CBX5: variants seen among roughly 807,000 people sequenced by gnomAD.
CBX5 encodes chromobox 5.
Under a neutral mutation model 20.7 loss-of-function variants are expected in CBX5, and 7 were observed. That is an observed-to-expected ratio of 0.34 (90% CI 0.19 to 0.63). The LOEUF is 0.63. CBX5 is among the 30% of genes least tolerant of loss of function. CBX5 has a pLI of 0.75. For synonymous variants in CBX5, 78 were observed against 77.0 expected (o/e 1.01, Z -0.07); for missense variants, 110 against 224.1 (o/e 0.49, Z 3.25).
intron 1 of CBX5, chr12:54,262,594 C>T (rs556148809): frequency 2.0e-3 from 313 of 152,850 alleles, no homozygotes; most frequent in Middle Eastern, 3.4e-3. Flanking sequence ...TTATCTTAAC[C>T]TTGAAGTTAC....
At position 54,248,358 on chromosome 12, in the gene CBX5, C is replaced by CA. The variant is rs1173373285; in HGVS notation, c.325-2144dup. ...AGCCTCTCTAGTGGCAACACACACA[C>CA]AAAAAAAAGATTTAGAGATGCCCAA... On this transcript the variant is annotated intron_variant, in intron 3 of 4. Coordinates refer to ENST00000209875, the MANE Select transcript of CBX5 (RefSeq NM_012117.3). 3.3e-5 allele frequency among the ~76,000 whole-genome samples: 5 copies of CA among 152,030 alleles called. No individual in the cohort carries two copies. The South Asian group carries it at 6.2e-4, about 19-fold the overall frequency.
chr12:54,246,126 G>T lies in CBX5; in HGVS notation c.414C>A (p.Phe138Leu). 6.2e-7 allele frequency: 1 copy of T among 1,608,904 alleles called. No individual in the cohort carries two copies. The highest frequency in any genetic ancestry group is 8.5e-7 in the Non-Finnish European group (1 of 1,175,412). The change falls in exon 4 of 5, where the codon TTC becomes TTA. Residue 138 changes from phenylalanine to leucine, a missense_variant. Coordinates refer to ENST00000209875, the MANE Select transcript of CBX5 (RefSeq NM_012117.3). ...GATDSCGDLM[F>L]LMKWKDTDEA... Reference sequence around the variant, plus strand: ...CAAATCTCTCTCACCATTTCATTAGGAACATTAAATCACCACAGGAATCTG... The same window carrying T: ...CAAATCTCTCTCACCATTTCATTAGTAACATTAAATCACCACAGGAATCTG...
At chr12:54,261,189 CAAAAA>C (rs1187762152) in intron 1 of CBX5, among the ~76,000 whole-genome samples, 1 of 64,666 alleles carries the variant, frequency 1.5e-5, no homozygotes, top group Non-Finnish European at 3.1e-5. Context: ...GAAACCGTCT[CAAAAA>C]AAAAAAAAAA....
chr12:54,257,826 A>T, intron 1 of CBX5, 134 bp from the exon 2 acceptor site: 1 of 628,254 alleles, frequency 1.6e-6, no homozygotes, highest in East Asian at 2.7e-5. Flanking sequence ...CATTCTACAG[A>T]TGAGTCCTAA....
At chr12:54,245,788 AAAATAAAT>A (rs971240574) in intron 4 of CBX5, among the ~76,000 whole-genome samples, 3 of 151,858 alleles carry the variant, frequency 2.0e-5, no homozygotes, top group African/African-American at 4.8e-5. Flanking sequence ...CTTTGTCTCA[AAAATAAAT>A]AAATAAATAA....
At position 54,231,214 on chromosome 12, in the gene CBX5, G is replaced by T. The variant is rs1943565282; in HGVS notation, c.*10541C>A. 1 of 152,280 alleles carries T rather than the reference G, an allele frequency of 6.6e-6. No individual in the cohort carries two copies. Among genetic ancestry groups the T allele is most frequent in the African/African-American group, 2.4e-5 (1 of 41,442 alleles). 9.4% of individuals were successfully genotyped at this position (152,280 alleles called of 1,614,324 possible). A position where few individuals can be genotyped will look rare whatever the true frequency, so the allele number is the denominator to read the frequency against. ...CCCCATAAACCTAAAAGTCCATGGA[G>T]AATTCAATTTCTCATTTCCATTCAG... On this transcript the variant is annotated 3_prime_UTR_variant, in exon 5 of 5. Transcript: ENST00000209875.
chr12:54,254,760 G>GGA (rs891515772), intron 2 of CBX5, among the ~76,000 whole-genome samples: 24 of 152,144 alleles, frequency 1.6e-4, no homozygotes, highest in Middle Eastern at 3.4e-3. Flanking sequence ...GGCTGAGGCA[G>GGA]GAGAATCGTT....
chr12:54,277,668 T>G (rs1489215796), intron 1 of CBX5, among the ~76,000 whole-genome samples: 1 of 152,204 alleles, frequency 6.6e-6, no homozygotes, highest in African/African-American at 2.4e-5. Context: ...AAAAATTTCC[T>G]TTTATTAAAT....
chr12:54,256,646 C>A (rs1943865364), intron 2 of CBX5, among the ~76,000 whole-genome samples: 1 of 152,000 alleles, frequency 6.6e-6, no homozygotes. Flanking sequence ...AAAATACATC[C>A]CAGATTTTCA....
At chr12:54,242,877 C>G (rs1943692938) in intron 4 of CBX5, among the ~76,000 whole-genome samples, 1 of 152,166 alleles carries the variant, frequency 6.6e-6, no homozygotes, top group Admixed American at 6.5e-5. Flanking sequence ...GTAATCCCAG[C>G]ACTTTGGGAG....
intron 4 of CBX5, among the ~76,000 whole-genome samples, chr12:54,243,547 C>T (rs544860738): frequency 2.0e-5 from 3 of 151,756 alleles, no homozygotes; most frequent in East Asian, 1.9e-4. Context: ...GGTGACAGGG[C>T]GAGACACTGT....
chr12:54,253,008 C>G (rs1251590514), intron 2 of CBX5, among the ~76,000 whole-genome samples: 1 of 145,882 alleles, frequency 6.9e-6, no homozygotes, highest in East Asian at 2.0e-4. Flanking sequence ...AAAAGCAGAT[C>G]AGTGAATGCC....
At chr12:54,271,587 G>A (rs532450233) in intron 1 of CBX5, among the ~76,000 whole-genome samples, 2 of 152,352 alleles carry the variant, frequency 1.3e-5, no homozygotes, top group South Asian at 4.1e-4. Context: ...GCCTCCCAAA[G>A]TGCTGGGATT....
chr12:54,270,808 T>C (rs1169414493), intron 1 of CBX5, among the ~76,000 whole-genome samples: 2 of 152,136 alleles, frequency 1.3e-5, no homozygotes, highest in Admixed American at 6.5e-5. Flanking sequence ...TCCCAGCACT[T>C]TGGGAAGCTG....
chr12:54,261,839 C>A lies in CBX5; in HGVS notation c.-42-4147G>T, dbSNP rs73321065. Among the ~76,000 whole-genome samples the A allele has an allele frequency of 2.2e-3, 335 of 152,236 alleles. 3 individuals are homozygous for A. The highest frequency in any genetic ancestry group is 7.8e-3 in the African/African-American group (324 of 41,552). On this transcript the variant is annotated intron_variant, in intron 1 of 4. Transcript: ENST00000209875. ...GGGCTAAATAAATCTGTACTACCTGCCCTACGTACCTCCGAGGGAAAAAGT... is the reference window on the plus strand; with the variant it reads ...GGGCTAAATAAATCTGTACTACCTGACCTACGTACCTCCGAGGGAAAAAGT...
At chr12:54,271,256 TCTAC>T (rs1414826218) in intron 1 of CBX5, among the ~76,000 whole-genome samples, 1 of 152,246 alleles carries the variant, frequency 6.6e-6, no homozygotes, top group African/African-American at 2.4e-5. Flanking sequence ...ACTGATTTCA[TCTAC>T]CTGTTTTATC....
chr12:54,249,181 T>C (rs1365539356), intron 3 of CBX5, among the ~76,000 whole-genome samples: 3 of 152,058 alleles, frequency 2.0e-5, no homozygotes, highest in Non-Finnish European at 2.9e-5. Context: ...CCATTCTGGC[T>C]AACACGGTGA....
intron 1 of CBX5, among the ~76,000 whole-genome samples, chr12:54,275,572 A>G (rs1478165302): frequency 1.3e-5 from 2 of 152,134 alleles, no homozygotes; most frequent in Non-Finnish European, 2.9e-5. Context: ...CACAAGCGTT[A>G]TAACTTCTGT....
At chr12:54,266,472 C>G (rs898903139) in intron 1 of CBX5, among the ~76,000 whole-genome samples, 1 of 151,854 alleles carries the variant, frequency 6.6e-6, no homozygotes, top group African/African-American at 2.4e-5. Context: ...ACCTATAATC[C>G]CAACAATTTG....
Sources: gnomAD v4.1 joint callset for allele counts (sites outside exome capture counted in the v4.1 genomes callset) on GRCh38, gnomAD v4.1.1 for gene constraint, MANE v1.5 for transcripts, NCBI Gene and HGNC (gene_info 2026-07-23, HGNC 2026-07-21) for gene names.